The following CACNA1C variants were observed in gnomAD, a reference collection of about 807,000 sequenced individuals.
CACNA1C encodes voltage-dependent L-type calcium channel subunit alpha-1C.
In CACNA1C, 30 loss-of-function variants were observed where a neutral mutation model predicts 229.0. That is an observed-to-expected ratio of 0.13 (90% CI 0.10 to 0.18). CACNA1C has a LOEUF of 0.18. Among genes scored for constraint, CACNA1C ranks in the 10% least tolerant of loss-of-function variants. The probability of loss-of-function intolerance (pLI) is 1.00; values close to 1 mark genes in which losing one functional copy is unlikely to be tolerated. For synonymous variants in CACNA1C, 1,114 were observed against 1,132.5 expected, an observed-to-expected ratio of 0.98 and a Z score of 0.33; for missense variants, 1,658 against 2,845.0, an observed-to-expected ratio of 0.58 and a Z score of 9.49.
At position 2,693,044 on chromosome 12, in the gene CACNA1C, C is replaced by T. The variant is rs1443555580; in HGVS notation, c.*1845C>T. On this transcript the variant is annotated 3_prime_UTR_variant, in exon 47 of 47. Transcript: ENST00000399655. ...AGGTATCACCAGTGTAGTCATTATT[C>T]TGCTCTCCACAAACAGGTTTGGACA... 1 of 152,582 alleles carries T rather than the reference C, an allele frequency of 6.6e-6. No individual in the cohort carries two copies. The highest frequency in any genetic ancestry group is 6.5e-5 in the Admixed American group (1 of 15,280). The allele number at this position is 152,582 out of a possible 1,614,324, so 9.5% of individuals were successfully genotyped here.
At chr12:2,659,612 T>C (rs992121445) in intron 34 of CACNA1C, among the ~76,000 whole-genome samples, 12 of 152,314 alleles carry the variant, frequency 7.9e-5, no homozygotes, top group African/African-American at 2.9e-4. Flanking sequence ...GAAATTTATT[T>C]ATTTATCTAA....
At chr12:2,307,401 A>G (rs561025028) in intron 3 of CACNA1C, among the ~76,000 whole-genome samples, 14 of 152,336 alleles carry the variant, frequency 9.2e-5, no homozygotes, top group South Asian at 2.1e-4. Flanking sequence ...TGAGACCTGT[A>G]CAGGATCACA....
chr12:2,329,497 A>G (rs1450293950), intron 3 of CACNA1C, among the ~76,000 whole-genome samples: 3 of 152,158 alleles, frequency 2.0e-5, no homozygotes, highest in Non-Finnish European at 4.4e-5. Flanking sequence ...ATCAATGAAC[A>G]TCATTCCTTT....
chr12:2,209,113 A>AC (rs2097845835), intron 3 of CACNA1C, among the ~76,000 whole-genome samples: 1 of 151,480 alleles, frequency 6.6e-6, no homozygotes, highest in African/African-American at 2.4e-5. Context: ...TGTAGCTATC[A>AC]CCCCCCTGGT....
chr12:2,198,086 G>A (rs908973457), intron 3 of CACNA1C, among the ~76,000 whole-genome samples: 3 of 152,138 alleles, frequency 2.0e-5, no homozygotes, highest in Admixed American at 6.5e-5. Context: ...GAGGGTGAGC[G>A]GGCCTTGGAA....
rs201551454 is a variant in CACNA1C at position 2,651,595 on chromosome 12, C to A, written c.3946-45C>A. 6.8e-6 allele frequency: 11 copies of A among 1,613,740 alleles called. No homozygotes were observed. The highest frequency in any genetic ancestry group is 3.3e-5 in the Admixed American group (2 of 59,996). ...GGAGGGGCCCTCCTGTTCTCACCCC[C>A]CTCTTGCTGTGCTAACTGCACCTCC... is the stretch of plus-strand genomic sequence containing the variant. On this transcript the variant is annotated intron_variant, in intron 31 of 46. Transcript: ENST00000399655. The surrounding 1 kb of genome is among the most constrained non-coding windows in gnomAD (Gnocchi z 5.4).
intron 3 of CACNA1C, among the ~76,000 whole-genome samples, chr12:2,325,274 G>A (rs1016197620): frequency 1.3e-5 from 2 of 152,158 alleles, no homozygotes; most frequent in Non-Finnish European, 2.9e-5. Flanking sequence ...CCTCTGAGCT[G>A]CTCTCACATT....
At chr12:2,274,904 G>A (rs1016810953) in intron 3 of CACNA1C, among the ~76,000 whole-genome samples, 4 of 152,154 alleles carry the variant, frequency 2.6e-5, no homozygotes, top group South Asian at 2.1e-4. Context: ...AGGGATGGAC[G>A]AATGTCCCTG....
chr12:2,492,744 A>C (rs1597968691), intron 6 of CACNA1C, among the ~76,000 whole-genome samples: 1 of 152,210 alleles, frequency 6.6e-6, no homozygotes, highest in East Asian at 1.9e-4. Context: ...CTTACCCTAA[A>C]TTCTGGTATT....
intron 3 of CACNA1C, among the ~76,000 whole-genome samples, chr12:2,172,612 C>T (rs903597875): frequency 6.6e-6 from 1 of 152,196 alleles, no homozygotes; most frequent in African/African-American, 2.4e-5. Context: ...TGGCATCCAA[C>T]GTTAAGATAA....
chr12:2,299,481 A>G (rs936609038), intron 3 of CACNA1C, among the ~76,000 whole-genome samples: 1 of 152,070 alleles, frequency 6.6e-6, no homozygotes, highest in African/African-American at 2.4e-5. Context: ...GATGCTTGGC[A>G]TGGCTAGTTC....
intron 3 of CACNA1C, among the ~76,000 whole-genome samples, chr12:2,173,071 G>A (rs966696695): frequency 2.8e-4 from 43 of 152,186 alleles, no homozygotes; most frequent in African/African-American, 9.2e-4. Context: ...TGTGTCCGGC[G>A]GTGTCTCTTA....
At chr12:2,273,829 G>T (rs571459744) in intron 3 of CACNA1C, among the ~76,000 whole-genome samples, 47 of 152,340 alleles carry the variant, frequency 3.1e-4, no homozygotes, top group African/African-American at 1.1e-3. Context: ...GGCAGAGAAC[G>T]GGAGGGGGTC....
At chr12:2,024,055 C>T (rs1167533734) in intron 1 of CACNA1C, among the ~76,000 whole-genome samples, 1 of 152,268 alleles carries the variant, frequency 6.6e-6, no homozygotes, top group Non-Finnish European at 1.5e-5. Flanking sequence ...GTAGGAGGCT[C>T]CCTCTTTTGG....
intron 3 of CACNA1C, among the ~76,000 whole-genome samples, chr12:2,295,166 G>A (rs1427125211): frequency 6.6e-6 from 1 of 152,098 alleles, no homozygotes; most frequent in Non-Finnish European, 1.5e-5. Context: ...GTCCCCTTGT[G>A]AAGCCTGGGC....
intron 3 of CACNA1C, among the ~76,000 whole-genome samples, chr12:2,139,280 T>TAAAC (rs1479482632): frequency 3.3e-5 from 5 of 151,036 alleles, no homozygotes; most frequent in African/African-American, 1.2e-4. Context: ...CCCTGGGTGT[T>TAAAC]TGTGTCTCTG....
At chr12:2,229,428 C>T (rs1449235950) in intron 3 of CACNA1C, among the ~76,000 whole-genome samples, 2 of 152,056 alleles carry the variant, frequency 1.3e-5, no homozygotes, top group Non-Finnish European at 2.9e-5. Context: ...AAATATTTAT[C>T]GTGTATCTGT....
intron 5 of CACNA1C, among the ~76,000 whole-genome samples, chr12:2,474,752 A>G (rs138682094): frequency 0.028 from 3,499 of 126,114 alleles, 129 homozygotes; most frequent in African/African-American, 0.088. Context: ...GCGAAACTCC[A>G]TCTCAAAAAA....
intron 5 of CACNA1C, among the ~76,000 whole-genome samples, chr12:2,484,969 C>T (rs1459817112): frequency 6.6e-6 from 1 of 150,912 alleles, no homozygotes; most frequent in Non-Finnish European, 1.5e-5. Flanking sequence ...TTCTAATCAG[C>T]CTTGCGAGAA....
Sources: gnomAD v4.1 joint callset for allele counts (sites outside exome capture counted in the v4.1 genomes callset) on GRCh38, gnomAD v4.1.1 for gene constraint, Gnocchi (gnomAD v3.1) non-coding constraint, MANE v1.5 for transcripts, NCBI Gene and HGNC (gene_info 2026-07-23, HGNC 2026-07-21) for gene names.